SPART: variants seen among roughly 807,000 people sequenced by gnomAD.
SPART encodes spartin.
SPART carries 35 observed loss-of-function variants against 58.7 expected under a neutral mutation model. The observed-to-expected ratio is 0.60, with a 90% CI of 0.46 to 0.79. The LOEUF is 0.79. Among genes scored for constraint, SPART ranks in the 30% least tolerant of loss-of-function variants. The pLI is 0.00. For synonymous variants in SPART, 284 were observed against 280.7 expected (o/e 1.01, Z -0.12); for missense variants, 730 against 786.1 (o/e 0.93, Z 0.85).
chr13:36,320,952 G>A (rs1188863106), intron 5 of SPART, among the ~76,000 whole-genome samples: 1 of 152,102 alleles, frequency 6.6e-6, no homozygotes, highest in Non-Finnish European at 1.5e-5. Flanking sequence ...AAGAAAAGTA[G>A]AATAGACTAA....
intron 8 of SPART, among the ~76,000 whole-genome samples, chr13:36,308,671 A>AT (rs1311095795): frequency 2.6e-5 from 4 of 152,006 alleles, no homozygotes; most frequent in African/African-American, 9.7e-5. Flanking sequence ...AGTAGGCCAT[A>AT]AAACCCAACA....
chr13:36,359,965 G>A (rs1885787936), intron 1 of SPART, among the ~76,000 whole-genome samples: 1 of 146,792 alleles, frequency 6.8e-6, no homozygotes, highest in Non-Finnish European at 1.5e-5. Flanking sequence ...CATAGTAGAT[G>A]CTGAATTTTA....
At chr13:36,369,344 G>A (rs1593301092) in intron 1 of SPART, 1 of 152,252 alleles carries the variant, frequency 6.6e-6, no homozygotes, top group East Asian at 1.9e-4. Context: ...ATCGTATATA[G>A]CGATCTTAGT....
chr13:36,359,078 G>A (rs1209136123), intron 1 of SPART, among the ~76,000 whole-genome samples: 1 of 152,180 alleles, frequency 6.6e-6, no homozygotes, highest in Non-Finnish European at 1.5e-5. Context: ...TATGTAATAT[G>A]TTCCAAACCA....
intron 2 of SPART, among the ~76,000 whole-genome samples, chr13:36,332,671 C>T (rs909631668): frequency 6.6e-6 from 1 of 152,188 alleles, no homozygotes; most frequent in African/African-American, 2.4e-5. Context: ...AGCTCTCCTG[C>T]AATGTCATCT....
chr13:36,368,945 G>A (rs1391696767), intron 1 of SPART, among the ~76,000 whole-genome samples: 1 of 152,202 alleles, frequency 6.6e-6, no homozygotes, highest in Non-Finnish European at 1.5e-5. Context: ...GTTTCAGTGA[G>A]CTGAGATCGT....
intron 5 of SPART, among the ~76,000 whole-genome samples, chr13:36,324,749 T>C (rs1415358262): frequency 6.6e-6 from 1 of 152,172 alleles, no homozygotes; most frequent in Non-Finnish European, 1.5e-5. Flanking sequence ...TTATTTCACC[T>C]GGGTGCAAGC....
chr13:36,324,897 G>A (rs1882762795), intron 5 of SPART, among the ~76,000 whole-genome samples: 1 of 152,160 alleles, frequency 6.6e-6, no homozygotes, highest in African/African-American at 2.4e-5. Context: ...AAGGTGCTCA[G>A]TGGGGGAGCT....
chr13:36,326,805 T>A (rs1231561683), intron 4 of SPART, 107 bp from the exon 5 acceptor site: 3 of 1,265,388 alleles, frequency 2.4e-6, no homozygotes, highest in Non-Finnish European at 3.4e-6. Flanking sequence ...ATAAAATTAA[T>A]GAAAAATATC....
At chr13:36,327,566 G>A (rs1052800377) in intron 4 of SPART, among the ~76,000 whole-genome samples, 3 of 151,984 alleles carry the variant, frequency 2.0e-5, no homozygotes, top group African/African-American at 7.2e-5. Flanking sequence ...ATACTGTTAA[G>A]TAAAAAAGCA....
intron 1 of SPART, among the ~76,000 whole-genome samples, chr13:36,363,224 TAAC>T: frequency 6.6e-6 from 1 of 152,342 alleles, no homozygotes; most frequent in Admixed American, 6.5e-5. Context: ...CTGAAAACAA[TAAC>T]AACCAAAATG....
At chr13:36,353,836 C>A (rs761131391) in intron 1 of SPART, among the ~76,000 whole-genome samples, 1 of 152,120 alleles carries the variant, frequency 6.6e-6, no homozygotes, top group Non-Finnish European at 1.5e-5. Flanking sequence ...TGTCTTGATC[C>A]TTCAGTAGTC....
chr13:36,315,486 C>G (rs1265360257), intron 5 of SPART, among the ~76,000 whole-genome samples: 1 of 152,204 alleles, frequency 6.6e-6, no homozygotes, highest in Admixed American at 6.5e-5. Flanking sequence ...ATCCAGCAAT[C>G]ATGTGAAAAC....
intron 3 of SPART, 122 bp from the exon 4 acceptor site, chr13:36,329,639 G>A (rs1410056590): frequency 9.8e-6 from 10 of 1,019,764 alleles, no homozygotes; most frequent in Non-Finnish European, 1.4e-5. Context: ...CAGTCTATCA[G>A]TAACAACTAC....
intron 1 of SPART, among the ~76,000 whole-genome samples, chr13:36,353,195 A>G (rs1885489083): frequency 6.6e-6 from 1 of 152,190 alleles, no homozygotes; most frequent in African/African-American, 2.4e-5. Context: ...CTCACCATTC[A>G]TCTTGTTTAC....
chr13:36,364,209 T>C (rs1885974151), intron 1 of SPART, among the ~76,000 whole-genome samples: 1 of 152,216 alleles, frequency 6.6e-6, no homozygotes, highest in Admixed American at 6.5e-5. Context: ...AATTCTCCAA[T>C]GTATAACGTT....
chr13:36,312,609 G>T, intron 6 of SPART, 132 bp from the exon 7 acceptor site: 2 of 1,051,416 alleles, frequency 1.9e-6, no homozygotes, highest in Non-Finnish European at 2.8e-6. Flanking sequence ...TCTTCTTAAG[G>T]ATATGAAGCT....
intron 1 of SPART, among the ~76,000 whole-genome samples, chr13:36,359,939 A>AC (rs1555266134): frequency 1.3e-5 from 2 of 150,172 alleles, no homozygotes; most frequent in African/African-American, 4.9e-5. Flanking sequence ...AAAAAAAAAA[A>AC]AAACACCTCT....
At chr13:36,317,191 G>C (rs920052981) in intron 5 of SPART, among the ~76,000 whole-genome samples, 1 of 152,240 alleles carries the variant, frequency 6.6e-6, no homozygotes, top group South Asian at 2.1e-4. Flanking sequence ...GACCACGCAG[G>C]GATGCCTGCC....
Sources: allele counts gnomAD v4.1 joint callset (sites outside exome capture counted in the v4.1 genomes callset), GRCh38; gene constraint gnomAD v4.1.1; transcripts MANE v1.5; gene names NCBI Gene and HGNC (gene_info 2026-07-23, HGNC 2026-07-21).